The following CCSER1 variants were observed in gnomAD, a reference collection of about 807,000 sequenced individuals.
CCSER1 encodes the protein coiled-coil serine rich protein 1, also known as serine-rich coiled-coil domain-containing protein 1.
A neutral mutation model predicts 82.0 loss-of-function variants in CCSER1; 41 were observed. That is an observed-to-expected ratio of 0.50 (90% CI 0.39 to 0.65). CCSER1 has a LOEUF of 0.65. Among genes scored for constraint, CCSER1 ranks in the 30% least tolerant of loss-of-function variants. CCSER1 has a pLI of 0.00. For synonymous variants in CCSER1, 414 were observed against 383.9 expected, an observed-to-expected ratio of 1.08 and a Z score of -0.92; for missense variants, 1,119 against 1,064.2, an observed-to-expected ratio of 1.05 and a Z score of -0.72.
intron 5 of CCSER1, among the ~76,000 whole-genome samples, chr4:90,533,000 C>T (rs940985118): frequency 3.3e-5 from 5 of 151,192 alleles, no homozygotes; most frequent in African/African-American, 1.2e-4. Context: ...TGAGATTTTA[C>T]AGGGTTGAGG....
chr4:91,150,998 G>A (rs1368886478), intron 10 of CCSER1, among the ~76,000 whole-genome samples: 2 of 152,182 alleles, frequency 1.3e-5, no homozygotes, highest in Non-Finnish European at 2.9e-5. Flanking sequence ...ATGAGTTAGG[G>A]AGGATTCCCT....
intron 1 of CCSER1, among the ~76,000 whole-genome samples, chr4:90,140,579 G>A (rs1295246030): frequency 6.7e-6 from 1 of 149,742 alleles, no homozygotes; most frequent in African/African-American, 2.5e-5. Flanking sequence ...ACGTACACAT[G>A]TACACAGGTA....
At chr4:90,574,309 T>G (rs10029333) in intron 5 of CCSER1, among the ~76,000 whole-genome samples, 1 of 136,604 alleles carries the variant, frequency 7.3e-6, no homozygotes, top group African/African-American at 2.9e-5. Context: ...TCGCACAGGC[T>G]GGACTGCGGA....
intron 10 of CCSER1, among the ~76,000 whole-genome samples, chr4:91,306,415 TTTTTA>T (rs1157197458): frequency 4.6e-5 from 7 of 152,182 alleles, no homozygotes; most frequent in African/African-American, 1.7e-4. Context: ...ATTCTGCTTG[TTTTTA>T]AGCATTTGCT....
intron 10 of CCSER1, among the ~76,000 whole-genome samples, chr4:91,439,145 T>C (rs1053289600): frequency 2.2e-4 from 34 of 151,946 alleles, no homozygotes; most frequent in African/African-American, 6.5e-4. Context: ...ACAAAGATAC[T>C]CCTCGAGAAG....
At chr4:90,809,892 T>A (rs1392271541) in intron 7 of CCSER1, among the ~76,000 whole-genome samples, 1 of 66,590 alleles carries the variant, frequency 1.5e-5, no homozygotes, top group Non-Finnish European at 3.1e-5. Context: ...ACCCTGTCTC[T>A]AAATAAATGA....
intron 9 of CCSER1, among the ~76,000 whole-genome samples, chr4:91,039,221 T>G (rs1741709873): frequency 6.6e-6 from 1 of 151,358 alleles, no homozygotes; most frequent in African/African-American, 2.4e-5. Context: ...TCTTTTTTTT[T>G]TTATGGAGAC....
At chr4:90,576,023 A>G (rs995542740) in intron 5 of CCSER1, among the ~76,000 whole-genome samples, 9 of 151,084 alleles carry the variant, frequency 6.0e-5, no homozygotes, top group Admixed American at 2.6e-4. Flanking sequence ...ATTTTGTTGT[A>G]TTGTTTCTCA....
chr4:90,346,414 A>G (rs954458938), intron 3 of CCSER1, among the ~76,000 whole-genome samples: 1 of 151,982 alleles, frequency 6.6e-6, no homozygotes, highest in African/African-American at 2.4e-5. Context: ...GGCACTTTAT[A>G]TAATTATGTG....
intron 10 of CCSER1, among the ~76,000 whole-genome samples, chr4:91,336,843 G>A (rs1747358996): frequency 1.3e-5 from 2 of 152,080 alleles, no homozygotes; most frequent in South Asian, 4.2e-4. Flanking sequence ...TATGCCCTCA[G>A]GGAAAATAAC....
intron 10 of CCSER1, chr4:91,129,733 T>A (rs1210172274): frequency 6.6e-6 from 1 of 152,034 alleles, no homozygotes; most frequent in Non-Finnish European, 1.5e-5. Context: ...CACTATTAAC[T>A]GAGCCAATAA....
chr4:91,126,395 A>C (rs1727521648), intron 10 of CCSER1, among the ~76,000 whole-genome samples: 1 of 151,866 alleles, frequency 6.6e-6, no homozygotes, highest in Non-Finnish European at 1.5e-5. Context: ...TTGTCTATGT[A>C]TGTGTGTAAT....
At chr4:91,085,888 A>G (rs1461143409) in intron 9 of CCSER1, 62 bp from the exon 10 acceptor site, 6 of 918,798 alleles carry the variant, frequency 6.5e-6, no homozygotes, top group Admixed American at 4.5e-5. Context: ...TTATTGCACT[A>G]ATATGAATTA....
intron 5 of CCSER1, among the ~76,000 whole-genome samples, chr4:90,520,259 G>A (rs1023537761): frequency 6.6e-6 from 1 of 151,102 alleles, no homozygotes; most frequent in African/African-American, 2.4e-5. Context: ...TATATAACCT[G>A]TGTATATATA....
intron 1 of CCSER1, among the ~76,000 whole-genome samples, chr4:90,281,048 G>C (rs1031661249): frequency 6.6e-6 from 1 of 151,910 alleles, no homozygotes; most frequent in Non-Finnish European, 1.5e-5. Flanking sequence ...TAAACACAAT[G>C]GTCTCATTTT....
At chr4:91,512,003 G>A (rs555203173) in intron 10 of CCSER1, among the ~76,000 whole-genome samples, 80 of 152,258 alleles carry the variant, frequency 5.3e-4, no homozygotes, top group African/African-American at 1.8e-3. Flanking sequence ...ACTTTTGGCA[G>A]TATTTTGTAG....
chr4:90,556,389 T>C (rs994236120), intron 5 of CCSER1, among the ~76,000 whole-genome samples: 15 of 152,100 alleles, frequency 9.9e-5, no homozygotes, highest in Admixed American at 9.8e-4. Flanking sequence ...TTAGGATATA[T>C]ATACTAAAAT....
chr4:91,377,428 T>C (rs1317570957), intron 10 of CCSER1, among the ~76,000 whole-genome samples: 5 of 152,214 alleles, frequency 3.3e-5, no homozygotes, highest in Admixed American at 2.6e-4. Context: ...CCTGACTTTT[T>C]AATGATCACC....
intron 6 of CCSER1, among the ~76,000 whole-genome samples, chr4:90,661,877 G>A (rs1021602): frequency 0.51 from 77,899 of 151,470 alleles, 20,260 homozygotes; most frequent in Middle Eastern, 0.67. Flanking sequence ...AATTGAAAAA[G>A]GCAGGCATTA....
Sources: gnomAD v4.1 joint callset for allele counts (sites outside exome capture counted in the v4.1 genomes callset) on GRCh38, gnomAD v4.1.1 for gene constraint, MANE v1.5 for transcripts, NCBI Gene and HGNC (gene_info 2026-07-23, HGNC 2026-07-21) for gene names.